The following VLDLR variants were observed in gnomAD, a reference collection of about 807,000 sequenced individuals.
VLDLR encodes very low-density lipoprotein receptor.
VLDLR carries 81 observed loss-of-function variants against 112.7 expected under a neutral mutation model. The observed-to-expected ratio is 0.72, with a 90% CI of 0.60 to 0.86. VLDLR has a LOEUF of 0.86. VLDLR is among the 40% of genes least tolerant of loss of function. The pLI is 0.00. For synonymous variants in VLDLR, 436 were observed against 384.8 expected, an observed-to-expected ratio of 1.13 and a Z score of -1.56; for missense variants, 1,237 against 1,099.4, an observed-to-expected ratio of 1.13 and a Z score of -1.77.
At chr9:2,653,016 T>TGA (rs139411927) in intron 18 of VLDLR, 67 bp downstream of exon 18, 40 of 1,594,790 alleles carry the variant, frequency 2.5e-5, no homozygotes, top group South Asian at 1.2e-4. Flanking sequence ...GAGACCTGGG[T>TGA]GAGAGAGAGA....
At chr9:2,633,037 A>AGC (rs1817428846) in intron 1 of VLDLR, among the ~76,000 whole-genome samples, 1 of 100,592 alleles carries the variant, frequency 9.9e-6, no homozygotes, top group South Asian at 3.4e-4. Flanking sequence ...TATTGGAGAG[A>AGC]GAGAGAGAGA....
intron 1 of VLDLR, among the ~76,000 whole-genome samples, chr9:2,625,136 C>G (rs1817034072): frequency 6.6e-6 from 1 of 152,214 alleles, no homozygotes; most frequent in Non-Finnish European, 1.5e-5. Context: ...CTCTACCTGT[C>G]ATAAAATTGA....
chr9:2,648,049 C>T (rs1287176170), intron 12 of VLDLR, among the ~76,000 whole-genome samples, 159 bp from the exon 13 acceptor site: 1 of 152,196 alleles, frequency 6.6e-6, no homozygotes. Flanking sequence ...AACGTGGATA[C>T]AGGCTCTGCA....
In VLDLR at chr9:2,643,948, TGAAA is replaced by T; in HGVS notation, c.1058_1061del (p.Lys353SerfsTer4). 1 of 1,614,068 alleles carries T rather than the reference TGAAA, an allele frequency of 6.2e-7. No homozygotes were observed. The highest frequency in any genetic ancestry group is 8.5e-7 in the Non-Finnish European group (1 of 1,180,010). On this transcript the variant is annotated frameshift_variant, in exon 7 of 19. Transcript: ENST00000382100. LOFTEE classifies it high-confidence loss of function. ...TGCAGGGACTGGAGTGATGAGCCCC[TGAAA>T]GAGTGTCGTAAGTGTACTTGTTGTT...
chr9:2,653,460 G>A (rs148869871), intron 18 of VLDLR, among the ~76,000 whole-genome samples: 19 of 152,262 alleles, frequency 1.2e-4, no homozygotes, highest in Admixed American at 3.9e-4. Flanking sequence ...TGGAGTATTT[G>A]GCCTTCACGT....
At chr9:2,640,037 T>G (rs1025915953) in intron 3 of VLDLR, 56 bp downstream of exon 3, 3 of 1,613,770 alleles carry the variant, frequency 1.9e-6, no homozygotes, top group Non-Finnish European at 2.5e-6. Context: ...TGTCTAACAT[T>G]TCTAAGTATT....
chr9:2,623,454 C>G (rs1410780212), intron 1 of VLDLR, among the ~76,000 whole-genome samples: 4 of 104,984 alleles, frequency 3.8e-5, no homozygotes, highest in Non-Finnish European at 9.5e-5. Flanking sequence ...CTCCCGTCGC[C>G]GGGTGGCTTC....
At chr9:2,634,380 A>G (rs1215562392) in intron 1 of VLDLR, among the ~76,000 whole-genome samples, 1 of 152,218 alleles carries the variant, frequency 6.6e-6, no homozygotes, top group East Asian at 1.9e-4. Context: ...ACCCTCCCTA[A>G]GTAATCTGCG....
chr9:2,626,290 T>C (rs1374256836), intron 1 of VLDLR, among the ~76,000 whole-genome samples: 2 of 152,222 alleles, frequency 1.3e-5, no homozygotes, highest in African/African-American at 4.8e-5. Context: ...AAGGTAATTT[T>C]ATAGACTATT....
chr9:2,629,646 G>A (rs7027781), intron 1 of VLDLR, among the ~76,000 whole-genome samples: 15,043 of 152,268 alleles, frequency 0.099, 879 homozygotes, highest in African/African-American at 0.16. Flanking sequence ...ATTTGATTAT[G>A]TCCATGATTC....
Position 2,644,839 on chromosome 9 carries a change from G to A in VLDLR, c.1172G>A (p.Arg391Lys), listed in dbSNP as rs778847335. Residue 391 changes from arginine to lysine, a missense_variant, in exon 8 of 19, where the codon AGG becomes AAG. Coordinates refer to ENST00000382100, the MANE Select transcript of VLDLR (RefSeq NM_003383.5). ...GCAGCTGGGTTTGAACTGATAGATA[G>A]GAAAACCTGTGGAGGTGAGTCTAAG... ...DCAAGFELID[R>K]KTCGDIDECQ... is the part of the protein sequence containing the mutation. The A allele has an allele frequency of 1.2e-6, 2 of 1,614,178 alleles. No homozygotes were observed. Among genetic ancestry groups the A allele is most frequent in the South Asian group, 2.2e-5 (2 of 91,080 alleles).
At position 2,655,121 on chromosome 9, in the gene VLDLR, G is replaced by GTAAAC. The variant is rs1424245341; in HGVS notation, c.*1258_*1262dup. ...CATAAGCCCTTCAGGCGATACTGAT[G>GTAAAC]TAAACTAAAGCTTAAAAACCACCGT... On this transcript the variant is annotated 3_prime_UTR_variant, in exon 19 of 19. Transcript: ENST00000382100. 1 of 152,188 alleles carries GTAAAC rather than the reference G, an allele frequency of 6.6e-6. No homozygotes were observed. The highest frequency in any genetic ancestry group is 1.5e-5 in the Non-Finnish European group (1 of 68,036). The allele number at this position is 152,188 out of a possible 1,614,324, so 9.4% of individuals were successfully genotyped here. A position where few individuals can be genotyped will look rare whatever the true frequency, so the allele number is the denominator to read the frequency against.
chr9:2,653,732 G>C, intron 18 of VLDLR, 101 bp from the exon 19 acceptor site: 1 of 1,213,384 alleles, frequency 8.2e-7, no homozygotes. Context: ...AGCACTCTGA[G>C]TGTTTGAATG....
At chr9:2,652,006 G>T (rs1483105690) in intron 17 of VLDLR, 52 bp downstream of exon 17, 3 of 1,579,226 alleles carry the variant, frequency 1.9e-6, no homozygotes, top group Non-Finnish European at 2.6e-6. Context: ...GATACCAGAT[G>T]AAGATTTTTT....
Position 2,651,906 on chromosome 9 carries a change from A to G in VLDLR, c.2368A>G (p.Ser790Gly), listed in dbSNP as rs1016048842. 2.5e-6 allele frequency: 4 copies of G among 1,614,022 alleles called. No homozygotes were observed. The Admixed American group carries it at 5.0e-5, about 20-fold the overall frequency. The stretch of plus-strand genomic sequence containing the variant: ...TGTGACCACAGCAGTATCAGAGGTC[A>G]GTGTTCCCCCAAAAGGGACTTCTGC... ...INVTTAVSEV[S>G]VPPKGTSAAW... Residue 790 changes from serine to glycine, a missense_variant, in exon 17 of 19, where the codon AGT becomes GGT. Physicochemically the swap from Ser to Gly is moderately conservative, Grantham distance 56 (BLOSUM62 0). Transcript: ENST00000382100.
rs575652450 is a variant in VLDLR, at chr9:2,651,907, G to T, written c.2369G>T (p.Ser790Ile). ...GTGACCACAGCAGTATCAGAGGTCA[G>T]TGTTCCCCCAAAAGGGACTTCTGCC... ...INVTTAVSEV[S>I]VPPKGTSAAW... Residue 790 changes from serine to isoleucine, a missense_variant, in exon 17 of 19, where the codon AGT becomes ATT. Ser to Ile is a moderately radical substitution (Grantham distance 142). Coordinates refer to ENST00000382100, the MANE Select transcript of VLDLR (RefSeq NM_003383.5). 1 of 1,614,142 alleles carries T rather than the reference G, an allele frequency of 6.2e-7. No individual in the cohort carries two copies. The highest frequency in any genetic ancestry group is 1.3e-5 in the African/African-American group (1 of 75,052).
intron 1 of VLDLR, 167 bp downstream of exon 1, chr9:2,622,438 C>A: frequency 3.4e-6 from 2 of 593,220 alleles, no homozygotes; most frequent in Non-Finnish European, 5.2e-6. Context: ...CTGTCAGCGC[C>A]GAGGCTAAAG....
chr9:2,635,043 T>A (rs1817540326), intron 1 of VLDLR, among the ~76,000 whole-genome samples: 1 of 152,156 alleles, frequency 6.6e-6, no homozygotes, highest in Non-Finnish European at 1.5e-5. Flanking sequence ...ATTCCTTCTA[T>A]TTTCGTCTGG....
rs762084850 is a variant in VLDLR at position 2,645,753 on chromosome 9, T to G, written c.1484+8T>G. The stretch of plus-strand genomic sequence containing the variant: ...CCAAAAGGCTATCTTCAGGTAACTT[T>G]CAGTTCCTTTTGTGGTGTCTTGACA... On this transcript the variant is annotated splice_region_variant and intron_variant, in intron 10 of 18. Coordinates refer to ENST00000382100, the MANE Select transcript of VLDLR (RefSeq NM_003383.5). 3 of 1,614,134 alleles carry G rather than the reference T, an allele frequency of 1.9e-6. No individual in the cohort carries two copies. The South Asian group carries it at 3.3e-5, about 18-fold the overall frequency.
Sources: allele counts gnomAD v4.1 joint callset (sites outside exome capture counted in the v4.1 genomes callset), GRCh38; gene constraint gnomAD v4.1.1; transcripts MANE v1.5; gene names NCBI Gene and HGNC (gene_info 2026-07-23, HGNC 2026-07-21).